Variants in SEMA6A observed in about 807,000 individuals in gnomAD.
SEMA6A encodes the protein semaphorin 6A, also known as semaphorin-6A.
SEMA6A carries 25 observed loss-of-function variants against 96.8 expected under a neutral mutation model. The observed-to-expected ratio is 0.26, with a 90% confidence interval of 0.19 to 0.36. The LOEUF (loss-of-function observed/expected upper bound fraction) is 0.36, where lower values mean the gene tolerates loss of function less well. Ranked by LOEUF, SEMA6A falls within the 10% of genes least tolerant of loss-of-function variation. SEMA6A has a pLI of 1.00. For missense variants in SEMA6A, 1,363 were observed against 1,323.1 expected (o/e 1.03, Z -0.47); for synonymous variants, 612 against 518.0 (o/e 1.18, Z -2.46).
chr5:116,562,292 C>A (rs1013950684), intron 1 of SEMA6A, among the ~76,000 whole-genome samples: 1 of 152,156 alleles, frequency 6.6e-6, no homozygotes, highest in Non-Finnish European at 1.5e-5. Flanking sequence ...AGCATAATTA[C>A]ACTAAACTAG....
intron 6 of SEMA6A, among the ~76,000 whole-genome samples, chr5:116,494,197 C>A (rs1031323915): frequency 2.0e-5 from 3 of 152,172 alleles, no homozygotes; most frequent in Non-Finnish European, 4.4e-5. Flanking sequence ...CACAGTCACA[C>A]AATTCAGAAT....
At chr5:116,458,503 A>G (rs915346503) in intron 18 of SEMA6A, among the ~76,000 whole-genome samples, 1 of 152,190 alleles carries the variant, frequency 6.6e-6, no homozygotes, top group African/African-American at 2.4e-5. Context: ...AAGCACCTCT[A>G]GAAGGTGAAT....
At chr5:116,466,181 G>A (rs2112643765) in intron 18 of SEMA6A, among the ~76,000 whole-genome samples, 1 of 151,266 alleles carries the variant, frequency 6.6e-6, no homozygotes, top group East Asian at 1.9e-4. Context: ...GACCAGCCTG[G>A]CCAACATGGC....
intron 9 of SEMA6A, 41 bp downstream of exon 9, chr5:116,488,067 A>C: frequency 7.5e-7 from 1 of 1,338,068 alleles, no homozygotes; most frequent in Non-Finnish European, 1.1e-6. Flanking sequence ...TGGGTTTCTG[A>C]AAATGTTACA....
chr5:116,561,092 G>A (rs1359737459), intron 1 of SEMA6A, among the ~76,000 whole-genome samples: 2 of 152,150 alleles, frequency 1.3e-5, no homozygotes, highest in Non-Finnish European at 2.9e-5. Flanking sequence ...TACCAGAGGT[G>A]TGCTCTTAGG....
chr5:116,462,831 C>T (rs1482475415), intron 18 of SEMA6A, among the ~76,000 whole-genome samples: 1 of 152,184 alleles, frequency 6.6e-6, no homozygotes, highest in Non-Finnish European at 1.5e-5. Flanking sequence ...GGTCATTCAA[C>T]TACCAATACT....
At chr5:116,472,895 G>T in intron 17 of SEMA6A, 178 bp downstream of exon 17, 1 of 1,511,344 alleles carries the variant, frequency 6.6e-7, no homozygotes, top group Non-Finnish European at 8.8e-7. Context: ...CATACACTGT[G>T]TTGTAAGACA....
chr5:116,518,482 C>A (rs961253959), intron 1 of SEMA6A, among the ~76,000 whole-genome samples: 1 of 152,158 alleles, frequency 6.6e-6, no homozygotes, highest in South Asian at 2.1e-4. Flanking sequence ...CCATCTCTGC[C>A]AGACCAGAAT....
At chr5:116,551,406 A>T (rs1355270931) in intron 1 of SEMA6A, among the ~76,000 whole-genome samples, 1 of 152,036 alleles carries the variant, frequency 6.6e-6, no homozygotes, top group East Asian at 1.9e-4. Flanking sequence ...ACAAAGCAGA[A>T]GATTTGGGGG....
At chr5:116,509,583 T>TTA (rs1758309699) in intron 1 of SEMA6A, among the ~76,000 whole-genome samples, 3 of 143,794 alleles carry the variant, frequency 2.1e-5, no homozygotes, top group Non-Finnish European at 4.5e-5. Flanking sequence ...TCTGCCCCAG[T>TTA]GAAGAAGGGT....
At chr5:116,513,498 T>G (rs1402958156) in intron 1 of SEMA6A, among the ~76,000 whole-genome samples, 4 of 152,130 alleles carry the variant, frequency 2.6e-5, no homozygotes, top group African/African-American at 9.7e-5. Context: ...GTACAATTCC[T>G]CTGGAAAACT....
At chr5:116,494,542 C>G (rs1249563321) in intron 6 of SEMA6A, among the ~76,000 whole-genome samples, 1 of 152,162 alleles carries the variant, frequency 6.6e-6, no homozygotes, top group African/African-American at 2.4e-5. Context: ...CTTTCCCAGA[C>G]TCCTCACCTC....
chr5:116,492,146 C>G (rs1424988022), intron 6 of SEMA6A, among the ~76,000 whole-genome samples: 1 of 152,080 alleles, frequency 6.6e-6, no homozygotes, highest in East Asian at 1.9e-4. Context: ...CTGACAGACT[C>G]TGTGGTCTGT....
chr5:116,535,601 T>C (rs150076958), intron 1 of SEMA6A, among the ~76,000 whole-genome samples: 44 of 152,300 alleles, frequency 2.9e-4, no homozygotes, highest in Non-Finnish European at 4.9e-4. Flanking sequence ...CCATTTATAA[T>C]AGATGTCCTA....
chr5:116,451,503 A>C (rs1209659880), intron 18 of SEMA6A, among the ~76,000 whole-genome samples: 4 of 152,248 alleles, frequency 2.6e-5, no homozygotes, highest in Non-Finnish European at 5.9e-5. Context: ...GAAATAATTA[A>C]AACAACAGAA....
intron 15 of SEMA6A, 83 bp from the exon 16 acceptor site, chr5:116,475,686 C>A: frequency 1.1e-6 from 1 of 932,154 alleles, no homozygotes. Context: ...TCACTAAAGA[C>A]AGTAACACAG....
At position 116,447,435 on chromosome 5, in the gene SEMA6A, G is replaced by A. The variant is rs1460043688; in HGVS notation, c.2271C>T (p.Thr757=). 1.9e-6 allele frequency: 3 copies of A among 1,614,086 alleles called. No homozygotes were observed. In the Admixed American group the frequency reaches 5.0e-5, roughly 27 times the overall value. ...QHHLDLTALP[T]PESTPTLQQK... ...GCTGCAGCGTTGGGGTTGACTCTGG[G>A]GTGGGGAGGGCCGTCAGGTCCAGGT... Residue 757 remains threonine, a synonymous_variant, in exon 19 of 19, where the codon ACC becomes ACT. Coordinates refer to ENST00000343348, the MANE Select transcript of SEMA6A (RefSeq NM_020796.5).
At chr5:116,495,947 G>A (rs1040031926) in intron 5 of SEMA6A, 7 of 362,680 alleles carry the variant, frequency 1.9e-5, no homozygotes, top group Admixed American at 1.8e-4. Context: ...GTGGGCCTTG[G>A]ACTGCGGAGG....
intron 1 of SEMA6A, among the ~76,000 whole-genome samples, chr5:116,505,876 G>T (rs1402228754): frequency 1.2e-4 from 1 of 8,256 alleles, no homozygotes; most frequent in African/African-American, 6.7e-4. Context: ...GCTGGATACA[G>T]TGAAAAAAAA....
Sources: gnomAD v4.1 joint callset for allele counts (sites outside exome capture counted in the v4.1 genomes callset) on GRCh38, gnomAD v4.1.1 for gene constraint, MANE v1.5 for transcripts, NCBI Gene and HGNC (gene_info 2026-07-23, HGNC 2026-07-21) for gene names.